The following SDK1 variants were observed in gnomAD, a reference collection of about 807,000 sequenced individuals.
The protein encoded by SDK1 is sidekick cell adhesion molecule 1.
A neutral mutation model predicts 245.5 loss-of-function variants in SDK1; 157 were observed. The ratio of observed to expected loss-of-function variants is 0.64; its 90% CI spans 0.56 to 0.73. SDK1 has a LOEUF of 0.73. Ranked by LOEUF, SDK1 falls within the 30% of genes least tolerant of loss-of-function variation. SDK1 has a pLI of 0.00. For missense variants in SDK1, 3,583 were observed against 3,002.3 expected (o/e 1.19, Z -4.52); for synonymous variants, 1,647 against 1,278.5 (o/e 1.29, Z -6.15).
At chr7:3,479,861 C>CA (rs200021941) in intron 1 of SDK1, among the ~76,000 whole-genome samples, 2,746 of 132,174 alleles carry the variant, frequency 0.021, 72 homozygotes, top group African/African-American at 0.063. Flanking sequence ...GAGTCCATCT[C>CA]AAAAAAAAAA....
At chr7:3,711,052 A>G (rs1010433144) in intron 4 of SDK1, among the ~76,000 whole-genome samples, 1 of 152,228 alleles carries the variant, frequency 6.6e-6, no homozygotes, top group African/African-American at 2.4e-5. Context: ...TTCATAAGGT[A>G]TAATTTGATG....
At chr7:3,524,466 G>C (rs551048787) in intron 1 of SDK1, among the ~76,000 whole-genome samples, 1 of 152,250 alleles carries the variant, frequency 6.6e-6, no homozygotes, top group East Asian at 1.9e-4. Context: ...AGGAAGTATA[G>C]GATTGGGGAA....
At chr7:3,515,508 A>C (rs1378189989) in intron 1 of SDK1, among the ~76,000 whole-genome samples, 1 of 152,118 alleles carries the variant, frequency 6.6e-6, no homozygotes, top group African/African-American at 2.4e-5. Flanking sequence ...AAAAACACAC[A>C]CTGTCCTTTT....
chr7:3,337,805 C>T (rs978275082), intron 1 of SDK1: 3 of 152,116 alleles, frequency 2.0e-5, no homozygotes, highest in African/African-American at 7.2e-5. Context: ...AAATGTCTTT[C>T]AGGAATGAGG....
intron 1 of SDK1, among the ~76,000 whole-genome samples, chr7:3,594,585 A>G (rs779185020): frequency 5.3e-5 from 8 of 152,130 alleles, no homozygotes; most frequent in Non-Finnish European, 1.2e-4. Flanking sequence ...ATTTCTCCAC[A>G]TCCTTGCCAA....
intron 3 of SDK1, among the ~76,000 whole-genome samples, chr7:3,640,260 T>C (rs1355440808): frequency 2.6e-5 from 4 of 152,254 alleles, no homozygotes; most frequent in East Asian, 3.8e-4. Flanking sequence ...TTATAAACTT[T>C]AGAGAACAAA....
At chr7:3,307,891 C>G (rs1243794192) in intron 1 of SDK1, among the ~76,000 whole-genome samples, 1 of 152,150 alleles carries the variant, frequency 6.6e-6, no homozygotes, top group Non-Finnish European at 1.5e-5. Context: ...TATATGTTGT[C>G]TTCCTTTCTG....
chr7:4,109,956 G>C (rs961717131), intron 22 of SDK1, among the ~76,000 whole-genome samples: 4 of 152,202 alleles, frequency 2.6e-5, no homozygotes, highest in Non-Finnish European at 5.9e-5. Flanking sequence ...CTCGGGAGAG[G>C]AAGAAGCTGG....
chr7:3,909,223 A>G (rs1779066762), intron 5 of SDK1, among the ~76,000 whole-genome samples: 1 of 152,098 alleles, frequency 6.6e-6, no homozygotes, highest in South Asian at 2.1e-4. Flanking sequence ...CCTGTTTTCC[A>G]TTACGGAGTT....
Position 4,053,302 on chromosome 7 carries a change from A to G in SDK1, c.2911+1472A>G, listed in dbSNP as rs17134292. 1.3e-3 allele frequency among the ~76,000 whole-genome samples: 195 copies of G among 152,076 alleles called. 1 individual carries two copies. Among genetic ancestry groups the G allele is most frequent in the African/African-American group, 4.6e-3 (191 of 41,488 alleles). ...ACATTTGCAGAGGCCAAGGCCACCA[A>G]GACGGATTCCTTGCCTTCCCACTTC... is the stretch of plus-strand genomic sequence containing the variant. On this transcript the variant is annotated intron_variant, in intron 19 of 44. Transcript: ENST00000404826.
At chr7:3,881,491 T>C (rs1781208416) in intron 5 of SDK1, among the ~76,000 whole-genome samples, 1 of 152,248 alleles carries the variant, frequency 6.6e-6, no homozygotes, top group Non-Finnish European at 1.5e-5. Flanking sequence ...ATTTTCTTCA[T>C]CCATTCTATC....
At chr7:3,577,825 C>G (rs1177754908) in intron 1 of SDK1, among the ~76,000 whole-genome samples, 1 of 152,028 alleles carries the variant, frequency 6.6e-6, no homozygotes, top group Non-Finnish European at 1.5e-5. Context: ...AGGGCAGAAA[C>G]TCTAACTTCC....
At chr7:4,216,637 T>C (rs188554461) in intron 38 of SDK1, among the ~76,000 whole-genome samples, 1 of 152,308 alleles carries the variant, frequency 6.6e-6, no homozygotes, top group Non-Finnish European at 1.5e-5. Context: ...CAAAATATTT[T>C]AAAATATGGT....
At chr7:4,186,558 T>C (rs1470920864) in intron 35 of SDK1, among the ~76,000 whole-genome samples, 1 of 152,190 alleles carries the variant, frequency 6.6e-6, no homozygotes, top group African/African-American at 2.4e-5. Context: ...CCCCACCTGC[T>C]GAGCCCTGCC....
chr7:4,247,517 G>A (rs924007160), intron 44 of SDK1, among the ~76,000 whole-genome samples: 1 of 152,262 alleles, frequency 6.6e-6, no homozygotes, highest in Non-Finnish European at 1.5e-5. Flanking sequence ...AAAGCAGCAG[G>A]TTGTGCGGAG....
At chr7:3,835,006 G>T (rs1404914675) in intron 5 of SDK1, among the ~76,000 whole-genome samples, 1 of 152,068 alleles carries the variant, frequency 6.6e-6, no homozygotes, top group African/African-American at 2.4e-5. Flanking sequence ...TTAGTCCTTT[G>T]GTGCAATGTT....
intron 1 of SDK1, among the ~76,000 whole-genome samples, chr7:3,581,946 A>T (rs752641002): frequency 6.6e-6 from 1 of 152,228 alleles, no homozygotes; most frequent in Non-Finnish European, 1.5e-5. Flanking sequence ...AAATGATGAG[A>T]ACACATGGCC....
chr7:3,335,508 G>C (rs1428512846), intron 1 of SDK1, among the ~76,000 whole-genome samples: 1 of 151,218 alleles, frequency 6.6e-6, no homozygotes, highest in African/African-American at 2.4e-5. Context: ...TTCTTCACCT[G>C]GTACATAGTA....
At chr7:4,025,249 A>T (rs1360428647) in intron 17 of SDK1, among the ~76,000 whole-genome samples, 1 of 152,220 alleles carries the variant, frequency 6.6e-6, no homozygotes, top group East Asian at 1.9e-4. Flanking sequence ...GTTTGGTTTG[A>T]CTGATTCTTG....
Sources: gnomAD v4.1 joint callset for allele counts (sites outside exome capture counted in the v4.1 genomes callset) on GRCh38, gnomAD v4.1.1 for gene constraint, MANE v1.5 for transcripts, NCBI Gene and HGNC (gene_info 2026-07-23, HGNC 2026-07-21) for gene names.